CLIP2: variants seen among roughly 807,000 people sequenced by gnomAD.
CLIP2 encodes the protein CAP-Gly domain containing linker protein 2.
CLIP2 carries 41 observed loss-of-function variants against 111.7 expected under a neutral mutation model. That is an observed-to-expected ratio of 0.37 (90% CI 0.29 to 0.48). CLIP2 has a LOEUF of 0.48. Among genes scored for constraint, CLIP2 ranks in the 20% least tolerant of loss-of-function variants. The pLI, the probability that CLIP2 is intolerant of heterozygous loss-of-function variation, is 0.99. For synonymous variants in CLIP2, 660 were observed against 644.2 expected (o/e 1.02, Z -0.37); for missense variants, 1,160 against 1,422.1 (o/e 0.82, Z 2.96).
At position 74,302,519 on chromosome 7, in the gene CLIP2, C is replaced by G. The variant is rs888047527; in HGVS notation, c.-68+12785C>G. Among the ~76,000 whole-genome samples, 9 of 152,318 alleles carry G rather than the reference C, an allele frequency of 5.9e-5. 1 individual carries two copies. Among genetic ancestry groups the G allele is most frequent in the Admixed American group, 5.9e-4 (9 of 15,286 alleles). On this transcript the variant is annotated intron_variant, in intron 1 of 16. Coordinates refer to ENST00000223398, the MANE Select transcript of CLIP2 (RefSeq NM_003388.5). ...TGCCTCCTCTAAAACTGAGGAACCACAGCCCTGAGCTCGGACATAGTGAGA... is the reference window on the plus strand; with the variant it reads ...TGCCTCCTCTAAAACTGAGGAACCAGAGCCCTGAGCTCGGACATAGTGAGA...
chr7:74,308,647 G>T (rs1287318475), intron 1 of CLIP2, among the ~76,000 whole-genome samples: 3 of 152,112 alleles, frequency 2.0e-5, no homozygotes, highest in Non-Finnish European at 4.4e-5. Flanking sequence ...TGGAACTACA[G>T]GTGTGTGCCA....
rs560842313 is a variant in CLIP2 at position 74,405,586 on chromosome 7, T to C, written c.*1738T>C. ...TAACAGCCGTCTAGAAGCGATGCTT[T>C]AGTGGCCTAACCCAGGGTCAAATAC... On this transcript the variant is annotated 3_prime_UTR_variant, in exon 17 of 17. Coordinates refer to ENST00000223398, the MANE Select transcript of CLIP2 (RefSeq NM_003388.5). 5.2e-5 allele frequency: 8 copies of C among 152,778 alleles called. No individual in the cohort carries two copies. Among genetic ancestry groups the C allele is most frequent in the African/African-American group, 1.9e-4 (8 of 41,564 alleles). The allele number at this position is 152,778 out of a possible 1,614,324, so 9.5% of individuals were successfully genotyped here.
chr7:74,336,889 T>G (rs1554732217), intron 2 of CLIP2, among the ~76,000 whole-genome samples: 3 of 19,332 alleles, frequency 1.6e-4, no homozygotes. Flanking sequence ...TTTTTTGTTT[T>G]GTTTTTTTTT....
At chr7:74,356,314 C>A in intron 4 of CLIP2, 96 bp from the exon 5 acceptor site, 1 of 1,031,364 alleles carries the variant, frequency 9.7e-7, no homozygotes, top group Non-Finnish European at 1.5e-6. Context: ...GTGTCTTTCT[C>A]TCTTTCTGCC....
chr7:74,308,117 G>T lies in CLIP2; in HGVS notation c.-67-9363G>T, dbSNP rs187947380. Among the ~76,000 whole-genome samples, 408 of 152,332 alleles carry T rather than the reference G, an allele frequency of 2.7e-3. 2 individuals are homozygous for T. The highest frequency in any genetic ancestry group is 3.9e-3 in the Non-Finnish European group (266 of 68,034). On this transcript the variant is annotated intron_variant, in intron 1 of 16. Coordinates refer to ENST00000223398, the MANE Select transcript of CLIP2 (RefSeq NM_003388.5). ...TCTCTGTGGGCCGAAGGTCCTGAGA[G>T]ACTTCCTGGAGGAGGTGGCATCAGG... is the stretch of plus-strand genomic sequence containing the variant.
chr7:74,353,180 T>C (rs1328475082), intron 3 of CLIP2, among the ~76,000 whole-genome samples: 2 of 151,460 alleles, frequency 1.3e-5, no homozygotes, highest in Non-Finnish European at 2.9e-5. Flanking sequence ...AAACTGCTTT[T>C]AGGGTTACCA....
Position 74,371,684 on chromosome 7 carries a change from C to CG in CLIP2, c.1381-1241dup, listed in dbSNP as rs111521730. On this transcript the variant is annotated intron_variant, in intron 8 of 16. Coordinates refer to ENST00000223398, the MANE Select transcript of CLIP2 (RefSeq NM_003388.5). ...GGGAAAAAGAAAGGAGGGAGAGAGA[C>CG]GGGGGGGAGAAAGAAGAGAGAGAAA... Among the ~76,000 whole-genome samples, 687 of 100,286 alleles carry CG rather than the reference C, an allele frequency of 6.9e-3. 11 individuals carry two copies. Among genetic ancestry groups the CG allele is most frequent in the African/African-American group, 0.021 (509 of 23,840 alleles). The allele number at this position is 100,286 out of a possible 152,430, so 65.8% of individuals were successfully genotyped here.
chr7:74,390,162 G>GAAGAAAGAAAGAAAGAAAGAAAGA (rs200256078), intron 13 of CLIP2, among the ~76,000 whole-genome samples: 14 of 85,016 alleles, frequency 1.6e-4, no homozygotes, highest in South Asian at 1.2e-3. Context: ...AAGAAAGAAA[G>GAAGAAAGAAAGAAAGAAAGAAAGA]AAGAAAGAAA....
intron 3 of CLIP2, among the ~76,000 whole-genome samples, chr7:74,351,466 A>C (rs1438446576): frequency 1.3e-5 from 2 of 151,512 alleles, no homozygotes; most frequent in African/African-American, 4.8e-5. Context: ...ACATTTTCAG[A>C]TATAGAAAGC....
At chr7:74,382,218 G>A (rs564119727) in intron 11 of CLIP2, among the ~76,000 whole-genome samples, 1 of 150,470 alleles carries the variant, frequency 6.6e-6, no homozygotes, top group East Asian at 2.0e-4. Flanking sequence ...TGAGTAGCTG[G>A]GATTACAGGC....
chr7:74,360,495 C>T (rs185552535), intron 7 of CLIP2, among the ~76,000 whole-genome samples: 35 of 152,242 alleles, frequency 2.3e-4, no homozygotes, highest in African/African-American at 7.9e-4. Context: ...TGGGAGAACT[C>T]TTCATATAAC....
chr7:74,371,874 G>A (rs1267440554), intron 8 of CLIP2, among the ~76,000 whole-genome samples: 2 of 152,218 alleles, frequency 1.3e-5, no homozygotes, highest in African/African-American at 2.4e-5. Context: ...ATGAATTGCA[G>A]GAGTATTTCT....
chr7:74,364,431 G>T (rs1187333883), intron 8 of CLIP2, 116 bp downstream of exon 8: 1 of 812,796 alleles, frequency 1.2e-6, no homozygotes, highest in African/African-American at 1.7e-5. Context: ...AAGGGGCTGG[G>T]GGGGAAAATG....
At chr7:74,319,982 G>C (rs530352378) in intron 2 of CLIP2, among the ~76,000 whole-genome samples, 2 of 151,894 alleles carry the variant, frequency 1.3e-5, no homozygotes, top group South Asian at 4.2e-4. Context: ...AGCTCTTTGG[G>C]AGGCTGAGGC....
At position 74,401,558 on chromosome 7, in the gene CLIP2, G is replaced by A. The variant is rs1554317666; in HGVS notation, c.3120G>A (p.Gln1040=). 3 of 1,613,992 alleles carry A rather than the reference G, an allele frequency of 1.9e-6. No individual in the cohort carries two copies. The highest frequency in any genetic ancestry group is 2.5e-6 in the Non-Finnish European group (3 of 1,179,984). ...ANGIHQQDKA[Q]KQEDKH ...GCATCCACCAGCAGGACAAAGCTCAGAAACAAGAGGTGAGGGGCGCCTCGG... is the reference window on the plus strand; with the variant it reads ...GCATCCACCAGCAGGACAAAGCTCAAAAACAAGAGGTGAGGGGCGCCTCGG... The change falls in exon 16 of 17, where the codon CAG becomes CAA. Residue 1040 remains glutamine (Q), a synonymous_variant. Coordinates refer to ENST00000223398, the MANE Select transcript of CLIP2 (RefSeq NM_003388.5).
intron 2 of CLIP2, among the ~76,000 whole-genome samples, chr7:74,327,966 G>A (rs1789164730): frequency 6.6e-6 from 1 of 152,244 alleles, no homozygotes; most frequent in African/African-American, 2.4e-5. Context: ...GGGCACAGAA[G>A]TGGGGTTTGG....
At chr7:74,362,702 T>G (rs1377260294) in intron 7 of CLIP2, among the ~76,000 whole-genome samples, 1 of 151,706 alleles carries the variant, frequency 6.6e-6, no homozygotes, top group Non-Finnish European at 1.5e-5. Flanking sequence ...GCCTGGCTAA[T>G]TTTTATATTT....
At chr7:74,361,168 C>G (rs1199462262) in intron 7 of CLIP2, among the ~76,000 whole-genome samples, 3 of 115,374 alleles carry the variant, frequency 2.6e-5, no homozygotes, top group Non-Finnish European at 1.7e-5. Context: ...CCCTCCCTCC[C>G]TCCCTTCTTT....
At chr7:74,401,775 A>C (rs1791627558) in intron 16 of CLIP2, 1 of 698,400 alleles carries the variant, frequency 1.4e-6, no homozygotes, top group South Asian at 1.5e-5. Context: ...CCTTCTTAAA[A>C]AAGTTATAGG....
Sources: allele counts gnomAD v4.1 joint callset (sites outside exome capture counted in the v4.1 genomes callset), GRCh38; gene constraint gnomAD v4.1.1; transcripts MANE v1.5; gene names NCBI Gene and HGNC (gene_info 2026-07-23, HGNC 2026-07-21).